The following EPB41 variants were observed in gnomAD, a reference collection of about 807,000 sequenced individuals.
EPB41 encodes the protein erythrocyte membrane protein band 4.1, also known as protein 4.1.
EPB41 carries 65 observed loss-of-function variants against 108.0 expected under a neutral mutation model. The ratio of observed to expected loss-of-function variants is 0.60; its 90% CI spans 0.49 to 0.74. The LOEUF is 0.74. EPB41 is among the 30% of genes least tolerant of loss of function. The pLI is 0.00. For synonymous variants in EPB41, 336 were observed against 358.9 expected (o/e 0.94, Z 0.72); for missense variants, 875 against 1,037.0 (o/e 0.84, Z 2.15).
At chr1:29,035,976 A>G (rs182612454) in intron 10 of EPB41, 53 bp downstream of exon 10, 242 of 1,365,748 alleles carry the variant, frequency 1.8e-4, no homozygotes, top group Non-Finnish European at 2.3e-4. Context: ...TAACGTTTCT[A>G]TTTTAAGCCT....
At chr1:28,889,775 T>G (rs1260054170) in intron 1 of EPB41, 1 of 984,804 alleles carries the variant, frequency 1.0e-6, no homozygotes, top group Admixed American at 6.2e-5. Flanking sequence ...AGCCCAGGTG[T>G]GGAACCAAAC....
At chr1:29,096,331 G>A (rs1366474732) in intron 16 of EPB41, 1 of 985,786 alleles carries the variant, frequency 1.0e-6, no homozygotes, top group African/African-American at 1.7e-5. Flanking sequence ...TAAGCAGCAA[G>A]GAGACAGAAG....
intron 1 of EPB41, among the ~76,000 whole-genome samples, chr1:28,961,911 T>G (rs766030312): frequency 2.0e-5 from 3 of 152,160 alleles, no homozygotes; most frequent in African/African-American, 4.8e-5. Context: ...AAACCCATCA[T>G]GGGTTTATAG....
intron 1 of EPB41, among the ~76,000 whole-genome samples, chr1:28,969,817 C>T (rs1376673944): frequency 1.3e-5 from 2 of 152,154 alleles, no homozygotes; most frequent in African/African-American, 2.4e-5. Context: ...AGGAGAATGG[C>T]GTGAACCTGG....
intron 2 of EPB41, among the ~76,000 whole-genome samples, 195 bp downstream of exon 2, chr1:28,988,100 T>G (rs1021651071): frequency 6.6e-6 from 1 of 152,124 alleles, no homozygotes; most frequent in Non-Finnish European, 1.5e-5. Context: ...CTGTCTCTAC[T>G]AAAAGTACAA....
At chr1:29,106,392 C>G (rs1472311414) in intron 17 of EPB41, among the ~76,000 whole-genome samples, 1 of 152,004 alleles carries the variant, frequency 6.6e-6, no homozygotes, top group Non-Finnish European at 1.5e-5. Flanking sequence ...TCTTTGTATG[C>G]TCACAACAGT....
chr1:28,953,007 G>A (rs1403265094), intron 1 of EPB41, among the ~76,000 whole-genome samples: 1 of 152,136 alleles, frequency 6.6e-6, no homozygotes, highest in African/African-American at 2.4e-5. Flanking sequence ...GGGATTACAG[G>A]CATGAGCCAC....
intron 1 of EPB41, among the ~76,000 whole-genome samples, chr1:28,942,875 T>C (rs1557754624): frequency 6.6e-6 from 1 of 152,166 alleles, no homozygotes; most frequent in African/African-American, 2.4e-5. Context: ...CTTAGCACTT[T>C]GGAGATTCCA....
At chr1:28,996,139 A>G (rs1412852425) in intron 3 of EPB41, among the ~76,000 whole-genome samples, 2 of 152,252 alleles carry the variant, frequency 1.3e-5, no homozygotes, top group Non-Finnish European at 2.9e-5. Context: ...GAGCAAACTA[A>G]TGTTCAGAAA....
intron 1 of EPB41, among the ~76,000 whole-genome samples, chr1:28,888,463 T>A (rs921837261): frequency 6.6e-6 from 1 of 152,138 alleles, no homozygotes; most frequent in African/African-American, 2.4e-5. Context: ...AAGGGACTTC[T>A]GCATGTTGGG....
At position 29,112,288 on chromosome 1, in the gene EPB41, A is replaced by G. The variant is rs531530243; in HGVS notation, c.2416-80A>G. ...AGTGTTGAGATTACAAGTGTGAACC[A>G]CTAAACCTGGCCTCTTTTTCTTTTT... On this transcript the variant is annotated intron_variant, in intron 18 of 20. Coordinates refer to ENST00000343067, the MANE Select transcript of EPB41 (RefSeq NM_001376013.1). The G allele has an allele frequency of 1.6e-4, 191 of 1,212,868 alleles. 3 individuals are homozygous for G. The South Asian group carries it at 2.3e-3, about 15-fold the overall frequency. 75.1% of individuals were successfully genotyped at this position (1,212,868 alleles called of 1,614,324 possible).
intron 1 of EPB41, among the ~76,000 whole-genome samples, chr1:28,915,352 T>G (rs2092550523): frequency 6.6e-6 from 1 of 152,164 alleles, no homozygotes; most frequent in African/African-American, 2.4e-5. Flanking sequence ...TCTCTCAGCG[T>G]CGTGACCTCC....
At chr1:28,934,199 A>G (rs892484466) in intron 1 of EPB41, among the ~76,000 whole-genome samples, 3 of 152,160 alleles carry the variant, frequency 2.0e-5, no homozygotes, top group Non-Finnish European at 4.4e-5. Context: ...TGTCATTATT[A>G]GACTTGATAA....
At chr1:28,960,744 A>AAGGCC (rs1235736669) in intron 1 of EPB41, among the ~76,000 whole-genome samples, 2 of 150,472 alleles carry the variant, frequency 1.3e-5, no homozygotes, top group African/African-American at 4.9e-5. Flanking sequence ...TTAAAAAAAG[A>AAGGCC]AGGCCAGGCC....
chr1:29,063,750 G>A (rs913015417), intron 15 of EPB41, among the ~76,000 whole-genome samples: 3 of 152,124 alleles, frequency 2.0e-5, no homozygotes, highest in East Asian at 1.9e-4. Flanking sequence ...AATAAACACA[G>A]AATTTTTTAC....
chr1:28,958,052 C>T (rs1339140761), intron 1 of EPB41, among the ~76,000 whole-genome samples: 1 of 152,070 alleles, frequency 6.6e-6, no homozygotes, highest in Admixed American at 6.6e-5. Context: ...TGGCCTCAAG[C>T]AATCCTCCTG....
At chr1:29,097,741 G>T in intron 16 of EPB41, 66 bp from the exon 17 acceptor site, 5 of 1,564,558 alleles carry the variant, frequency 3.2e-6, no homozygotes, top group Non-Finnish European at 4.4e-6. Flanking sequence ...TCAGATCAGT[G>T]TCAGAAGATT....
chr1:29,106,213 C>T (rs1667097461), intron 17 of EPB41, among the ~76,000 whole-genome samples: 1 of 152,130 alleles, frequency 6.6e-6, no homozygotes, highest in African/African-American at 2.4e-5. Flanking sequence ...ACAGTGTCTC[C>T]TGCATCTTTA....
At chr1:28,970,308 A>C (rs2095465465) in intron 1 of EPB41, among the ~76,000 whole-genome samples, 1 of 152,184 alleles carries the variant, frequency 6.6e-6, no homozygotes, top group African/African-American at 2.4e-5. Flanking sequence ...TTTGATAGTT[A>C]ATTTACTGTA....
Sources: gnomAD v4.1 joint callset for allele counts (sites outside exome capture counted in the v4.1 genomes callset) on GRCh38, gnomAD v4.1.1 for gene constraint, MANE v1.5 for transcripts, NCBI Gene and HGNC (gene_info 2026-07-23, HGNC 2026-07-21) for gene names.